The following PRICKLE1 variants were observed in gnomAD, a reference collection of about 807,000 sequenced individuals.
PRICKLE1 encodes prickle planar cell polarity protein 1.
PRICKLE1 carries 14 observed loss-of-function variants against 70.2 expected under a neutral mutation model. That is an observed-to-expected ratio of 0.20 (90% CI 0.13 to 0.31). The LOEUF (loss-of-function observed/expected upper bound fraction) is 0.31. PRICKLE1 is among the 10% of genes least tolerant of loss of function. PRICKLE1 has a pLI of 1.00. For synonymous variants in PRICKLE1, 357 were observed against 379.9 expected (o/e 0.94, Z 0.70); for missense variants, 821 against 1,026.2 (o/e 0.80, Z 2.73).
At chr12:42,558,084 T>G (rs1406997791) in intron 1 of PRICKLE1, among the ~76,000 whole-genome samples, 4 of 152,210 alleles carry the variant, frequency 2.6e-5, no homozygotes, top group Non-Finnish European at 5.9e-5. Context: ...GATAAAGGCA[T>G]GTCTACACAA....
At chr12:42,527,483 G>C (rs957252847) in intron 1 of PRICKLE1, among the ~76,000 whole-genome samples, 1 of 152,092 alleles carries the variant, frequency 6.6e-6, no homozygotes, top group African/African-American at 2.4e-5. Flanking sequence ...TCTCCTTCCA[G>C]CATGGAAGTC....
chr12:42,524,860 C>G (rs1273614427), intron 1 of PRICKLE1: 1 of 152,258 alleles, frequency 6.6e-6, no homozygotes, highest in African/African-American at 2.4e-5. Context: ...AGCTTTGCCA[C>G]TTACTCGTTC....
At chr12:42,523,446 T>G (rs1376930) in intron 1 of PRICKLE1, among the ~76,000 whole-genome samples, 50,000 of 152,106 alleles carry the variant, frequency 0.33, 9,908 homozygotes, top group East Asian at 0.51. Flanking sequence ...GTCAACAAAC[T>G]TTTTCACACT....
intron 2 of PRICKLE1, among the ~76,000 whole-genome samples, 197 bp downstream of exon 2, chr12:42,472,188 G>A (rs1018515884): frequency 5.9e-4 from 90 of 152,260 alleles, no homozygotes; most frequent in African/African-American, 2.0e-3. Context: ...TGGGTACGAC[G>A]AGATTGGAAA....
intron 1 of PRICKLE1, among the ~76,000 whole-genome samples, chr12:42,584,646 T>G (rs187238144): frequency 1.3e-5 from 2 of 152,326 alleles, no homozygotes. Context: ...AGCCTGATTC[T>G]TGGAACACAC....
chr12:42,504,882 CCT>C (rs1267037323), intron 1 of PRICKLE1, among the ~76,000 whole-genome samples: 2 of 152,104 alleles, frequency 1.3e-5, no homozygotes, highest in Non-Finnish European at 2.9e-5. Context: ...GTCACTCATG[CCT>C]GTAATCTAGC....
intron 1 of PRICKLE1, among the ~76,000 whole-genome samples, chr12:42,524,504 C>A (rs749249100): frequency 2.6e-5 from 4 of 152,178 alleles, no homozygotes; most frequent in Non-Finnish European, 5.9e-5. Flanking sequence ...ACCACCACCC[C>A]CTGGGTTCAA....
chr12:42,470,236 G>A lies in PRICKLE1; in HGVS notation c.246+10C>T. ...CTTTTTTCTAATTAGCCTTCTTCCTGCTATTTTACCTCATTATCATGTGGT... is the reference window on the plus strand; with the variant it reads ...CTTTTTTCTAATTAGCCTTCTTCCTACTATTTTACCTCATTATCATGTGGT... On this transcript the variant is annotated intron_variant, in intron 3 of 7. Coordinates refer to ENST00000345127, the MANE Select transcript of PRICKLE1 (RefSeq NM_153026.3). 6.4e-7 allele frequency: 1 copy of A among 1,558,616 alleles called. No individual in the cohort carries two copies. Among genetic ancestry groups the A allele is most frequent in the Non-Finnish European group, 8.9e-7 (1 of 1,129,694 alleles).
chr12:42,504,787 C>T (rs755554509), intron 1 of PRICKLE1, among the ~76,000 whole-genome samples: 1 of 152,134 alleles, frequency 6.6e-6, no homozygotes, highest in Admixed American at 6.6e-5. Context: ...TGGTTTAACA[C>T]TTTATTTTTC....
intron 1 of PRICKLE1, among the ~76,000 whole-genome samples, chr12:42,505,004 G>A (rs1302403595): frequency 6.6e-6 from 1 of 152,146 alleles, no homozygotes; most frequent in African/African-American, 2.4e-5. Context: ...GCCGAGCGTG[G>A]TGGCGGGCAC....
chr12:42,459,706 A>T lies in PRICKLE1; in HGVS notation c.*103T>A. ...TGAGTTCTCATTTACATGGGCAAAG[A>T]AAGCACTTTAAACTATTTTCACAAC... is the stretch of plus-strand genomic sequence containing the variant. On this transcript the variant is annotated 3_prime_UTR_variant, in exon 8 of 8. Transcript: ENST00000345127. The T allele has an allele frequency of 7.4e-7, 1 of 1,351,746 alleles. No individual in the cohort carries two copies. The highest frequency in any genetic ancestry group is 1.0e-6 in the Non-Finnish European group (1 of 953,776). The allele number at this position is 1,351,746 out of a possible 1,614,324, so 83.7% of individuals were successfully genotyped here.
chr12:42,527,155 C>T (rs969814748), intron 1 of PRICKLE1, among the ~76,000 whole-genome samples: 57 of 90,274 alleles, frequency 6.3e-4, no homozygotes, highest in African/African-American at 1.2e-3. Flanking sequence ...TTTTTTGGGA[C>T]GGAGTCTCAC....
chr12:42,486,432 GC>G (rs1433070039), intron 1 of PRICKLE1, among the ~76,000 whole-genome samples: 4 of 152,144 alleles, frequency 2.6e-5, no homozygotes, highest in Non-Finnish European at 5.9e-5. Flanking sequence ...TTCTTCTCAG[GC>G]CCTCATAAGT....
chr12:42,516,863 T>A lies in PRICKLE1; in HGVS notation c.-48-44299A>T, dbSNP rs75159652. On this transcript the variant is annotated intron_variant, in intron 1 of 7. Transcript: ENST00000345127. The stretch of plus-strand genomic sequence containing the variant: ...CCTTTGGCTAACCAGATTCTTCAGA[T>A]AATACTTTTCCCATCTCCTGCCTAT... 7.7e-3 allele frequency among the ~76,000 whole-genome samples: 1,167 copies of A among 152,310 alleles called. 21 individuals are homozygous for A. The highest frequency in any genetic ancestry group is 0.027 in the African/African-American group (1,125 of 41,554).
At chr12:42,467,697 G>T (rs1035729981) in intron 5 of PRICKLE1, among the ~76,000 whole-genome samples, 1 of 152,134 alleles carries the variant, frequency 6.6e-6, no homozygotes, top group African/African-American at 2.4e-5. Context: ...AGTGAGCCAA[G>T]ATTGCACCAC....
chr12:42,516,868 C>A (rs1939620716), intron 1 of PRICKLE1, among the ~76,000 whole-genome samples: 1 of 152,236 alleles, frequency 6.6e-6, no homozygotes, highest in Non-Finnish European at 1.5e-5. Context: ...TCAGATAATA[C>A]TTTTCCCATC....
chr12:42,511,015 C>T (rs189394482), intron 1 of PRICKLE1, among the ~76,000 whole-genome samples: 1 of 152,322 alleles, frequency 6.6e-6, no homozygotes, highest in Non-Finnish European at 1.5e-5. Context: ...GGTACAATCA[C>T]CAGACACTTC....
At chr12:42,462,585 C>T (rs1008554143) in intron 7 of PRICKLE1, among the ~76,000 whole-genome samples, 7 of 152,176 alleles carry the variant, frequency 4.6e-5, no homozygotes, top group African/African-American at 1.7e-4. Context: ...GTCTCACCCA[C>T]CATTCTTCCT....
intron 7 of PRICKLE1, chr12:42,463,685 A>T (rs908852512): frequency 6.6e-6 from 1 of 152,330 alleles, no homozygotes; most frequent in African/African-American, 2.4e-5. Context: ...GCGCCATTGC[A>T]CTCCATCCTG....
Sources: allele counts gnomAD v4.1 joint callset (sites outside exome capture counted in the v4.1 genomes callset), GRCh38; gene constraint gnomAD v4.1.1; transcripts MANE v1.5; gene names NCBI Gene and HGNC (gene_info 2026-07-23, HGNC 2026-07-21).